The following SRPX variants were observed in gnomAD, a reference collection of about 807,000 sequenced individuals.
SRPX encodes the protein sushi repeat-containing protein SRPX.
Under a neutral mutation model 38.1 loss-of-function variants are expected in SRPX, and 24 were observed. The ratio of observed to expected loss-of-function variants is 0.63; its 90% CI spans 0.46 to 0.89. SRPX has a LOEUF of 0.89. SRPX is among the 40% of genes least tolerant of loss of function. The pLI, the probability that SRPX is intolerant of heterozygous loss-of-function variation, is 0.00. For missense variants in SRPX, 416 were observed against 377.8 expected (o/e 1.10, Z -0.84); for synonymous variants, 184 against 153.8 (o/e 1.20, Z -1.45).
chrX:38,179,373 A>C (rs746422250), intron 1 of SRPX, among the ~76,000 whole-genome samples: 46 of 112,585 alleles, frequency 4.1e-4, no homozygotes, highest in Middle Eastern at 4.6e-3. Context: ...TAAATATTGA[A>C]TTCCAGTGAG....
chrX:38,178,347 A>G lies in SRPX; in HGVS notation c.98-3T>C, dbSNP rs188197194. On this transcript the variant is annotated splice_polypyrimidine_tract_variant and splice_region_variant and intron_variant, in intron 1 of 9. Transcript: ENST00000378533. Reference sequence around the variant, plus strand: ...TTCTAGTGGTGAGTCTCCCGATCCTACAATAAAAAAGAACAGAAACTGCAG... The same window carrying G: ...TTCTAGTGGTGAGTCTCCCGATCCTGCAATAAAAAAGAACAGAAACTGCAG... 2.4e-3 allele frequency: 2,933 copies of G among 1,204,797 alleles called. 48 individuals are homozygous for G. In the African/African-American group the frequency reaches 0.045, roughly 18 times the overall value.
intron 1 of SRPX, among the ~76,000 whole-genome samples, chrX:38,204,244 A>G (rs1362652951): frequency 8.9e-6 from 1 of 112,049 alleles, no homozygotes; most frequent in Non-Finnish European, 1.9e-5. Context: ...CTGATCCTAA[A>G]ATTTATATGA....
At chrX:38,194,675 G>A (rs1284322397) in intron 1 of SRPX, among the ~76,000 whole-genome samples, 1 of 110,584 alleles carries the variant, frequency 9.0e-6, no homozygotes, top group Non-Finnish European at 1.9e-5. Context: ...TTTACACAAT[G>A]GGATCTTACA....
chrX:38,181,018 A>G (rs1330369001), intron 1 of SRPX, among the ~76,000 whole-genome samples: 2 of 112,653 alleles, frequency 1.8e-5, no homozygotes, highest in African/African-American at 6.4e-5. Context: ...CCTTTTTTAT[A>G]AAGTTCAAAA....
chrX:38,214,298 G>A (rs778990442), intron 1 of SRPX, among the ~76,000 whole-genome samples: 61 of 111,255 alleles, frequency 5.5e-4, no homozygotes, highest in African/African-American at 1.5e-3. Context: ...CTGAGGTTCC[G>A]TGGTTCCATG....
At chrX:38,151,781 C>T (rs1041526694) in intron 9 of SRPX, among the ~76,000 whole-genome samples, 1 of 111,104 alleles carries the variant, frequency 9.0e-6, no homozygotes, top group Non-Finnish European at 1.9e-5. Context: ...ATGTGTCTGT[C>T]GTCAGATTGG....
chrX:38,174,045 CT>C (rs1938525348), intron 3 of SRPX, 114 bp downstream of exon 3: 2 of 590,092 alleles, frequency 3.4e-6, no homozygotes, highest in Admixed American at 5.1e-5. Context: ...TGGTGTCCCC[CT>C]GATCATAAGG....
intron 4 of SRPX, among the ~76,000 whole-genome samples, chrX:38,169,180 A>T (rs1337821761): frequency 8.9e-6 from 1 of 112,769 alleles, no homozygotes; most frequent in African/African-American, 3.2e-5. Flanking sequence ...AACTGAAACT[A>T]GCCTCTGAAA....
Position 38,156,936 on chromosome X carries a change from G to T in SRPX, c.1049C>A (p.Ala350Asp), listed in dbSNP as rs778369798. 5.0e-6 allele frequency: 6 copies of T among 1,209,817 alleles called. No individual in the cohort carries two copies. The highest frequency in any genetic ancestry group is 6.7e-6 in the Non-Finnish European group (6 of 895,146). ...CTGGAGCCGGTAAAGGAGGTTTCGG[G>T]CTGTGGGTGTGGACACAATGAGGAG... Reference protein sequence around the residue: ...RRLLIVSTPTARNLLYRLQLG... With the variant: ...RRLLIVSTPTDRNLLYRLQLG... The change falls in exon 8 of 10, where the codon GCC becomes GAC. Residue 350 changes from alanine (A) to aspartate (D), a missense_variant. Coordinates refer to ENST00000378533, the MANE Select transcript of SRPX (RefSeq NM_006307.5).
intron 7 of SRPX, 35 bp downstream of exon 7, chrX:38,159,981 AG>A (rs770925592): frequency 2.5e-6 from 3 of 1,188,757 alleles, no homozygotes; most frequent in Non-Finnish European, 3.4e-6. Context: ...AGGGGTTTAC[AG>A]GTTCTGCTGC....
chrX:38,178,946 CTTT>C (rs58878251), intron 1 of SRPX, among the ~76,000 whole-genome samples: 3 of 81,055 alleles, frequency 3.7e-5, no homozygotes, highest in Non-Finnish European at 2.5e-5. Context: ...AGTAAAATTT[CTTT>C]TTTTTTTTTT....
At chrX:38,184,130 A>C (rs1469318553) in intron 1 of SRPX, among the ~76,000 whole-genome samples, 1 of 111,482 alleles carries the variant, frequency 9.0e-6, no homozygotes, top group African/African-American at 3.3e-5. Flanking sequence ...AGGCTAGTAG[A>C]GTGTTCCTGC....
chrX:38,196,016 A>G (rs1938992763), intron 1 of SRPX, among the ~76,000 whole-genome samples: 1 of 112,375 alleles, frequency 8.9e-6, no homozygotes, highest in African/African-American at 3.2e-5. Flanking sequence ...AAGGCTGTGG[A>G]TAGACAATTT....
chrX:38,159,907 G>A, intron 7 of SRPX, 110 bp downstream of exon 7: 2 of 863,474 alleles, frequency 2.3e-6, no homozygotes, highest in Non-Finnish European at 1.6e-6. Context: ...AGATAAAGAG[G>A]GATGGCCATG....
At chrX:38,180,426 A>G (rs1050585847) in intron 1 of SRPX, among the ~76,000 whole-genome samples, 5 of 111,201 alleles carry the variant, frequency 4.5e-5, no homozygotes, top group African/African-American at 1.6e-4. Flanking sequence ...TCTCCAGACT[A>G]TTTTCCTGGG....
At chrX:38,180,797 T>C (rs1938654419) in intron 1 of SRPX, among the ~76,000 whole-genome samples, 1 of 112,417 alleles carries the variant, frequency 8.9e-6, no homozygotes, top group African/African-American at 3.2e-5. Flanking sequence ...AACATAATAA[T>C]GTTCATTTTG....
rs1423835876 is a variant in SRPX at position 38,161,045 on chromosome X, T to C, written c.663A>G (p.Leu221=). The C allele has an allele frequency of 2.5e-6, 3 of 1,207,488 alleles. No individual in the cohort carries two copies. The Admixed American group carries it at 6.6e-5, about 27-fold the overall frequency. Residue 221 remains leucine, a synonymous_variant, in exon 6 of 10, where the codon CTA becomes CTG. Coordinates refer to ENST00000378533, the MANE Select transcript of SRPX (RefSeq NM_006307.5). The part of the protein sequence containing the change: ...TADGILTDVI[L]KGLPPGSNFP... ...AGTTGGAGCCTGGGGGGAGGCCTTT[T>C]AGAATGACACTTAGAGAAAAAAAAT...
chrX:38,153,897 T>A (rs1310075200), intron 9 of SRPX: 4 of 112,182 alleles, frequency 3.6e-5, no homozygotes, highest in African/African-American at 1.3e-4. Context: ...AATTATCGAT[T>A]TCACAGTGGT....
At chrX:38,153,060 C>T (rs1421127127) in intron 9 of SRPX, among the ~76,000 whole-genome samples, 4 of 111,669 alleles carry the variant, frequency 3.6e-5, no homozygotes, top group Non-Finnish European at 3.8e-5. Flanking sequence ...GTCATTTACT[C>T]CACTTAGCGC....
Sources: allele counts gnomAD v4.1 joint callset (sites outside exome capture counted in the v4.1 genomes callset), GRCh38; gene constraint gnomAD v4.1.1; transcripts MANE v1.5; gene names NCBI Gene and HGNC (gene_info 2026-07-23, HGNC 2026-07-21).